The following P2RY12 variants were observed in gnomAD, a reference collection of about 807,000 sequenced individuals.
P2RY12 encodes purinergic receptor P2Y12, also known as P2Y purinoceptor 12.
P2RY12 carries 3 observed loss-of-function variants against 4.5 expected under a neutral mutation model. The ratio of observed to expected loss-of-function variants is 0.67; its 90% CI spans 0.31 to 1.74. The LOEUF (loss-of-function observed/expected upper bound fraction) is 1.74. P2RY12 is among the 40% of genes most tolerant of loss of function. The pLI, the probability that P2RY12 is intolerant of heterozygous loss-of-function variation, is 0.09. For synonymous variants in P2RY12, 148 were observed against 154.1 expected (o/e 0.96, Z 0.29); for missense variants, 356 against 407.8 (o/e 0.87, Z 1.09).
intron 1 of P2RY12, among the ~76,000 whole-genome samples, chr3:151,366,462 T>A (rs1228178122): frequency 6.6e-6 from 1 of 152,180 alleles, no homozygotes; most frequent in Non-Finnish European, 1.5e-5. Context: ...ATTCCGAGGA[T>A]GTCCGGTGTT....
chr3:151,375,095 A>G (rs1196516668), intron 1 of P2RY12, among the ~76,000 whole-genome samples: 2 of 152,220 alleles, frequency 1.3e-5, no homozygotes, highest in Admixed American at 6.5e-5. Flanking sequence ...TTGGTTCCCA[A>G]CTGTGAGTGC....
intron 1 of P2RY12, among the ~76,000 whole-genome samples, chr3:151,351,558 T>C (rs896316838): frequency 6.6e-5 from 10 of 152,214 alleles, no homozygotes; most frequent in South Asian, 6.2e-4. Context: ...TCTGTTGTTT[T>C]GGTGTTTTCT....
chr3:151,378,395 C>T (rs959602294), intron 1 of P2RY12, among the ~76,000 whole-genome samples: 1 of 152,172 alleles, frequency 6.6e-6, no homozygotes. Flanking sequence ...ATCCAAATCA[C>T]TGCTGAACTG....
chr3:151,350,600 C>T (rs2150021383), intron 1 of P2RY12, among the ~76,000 whole-genome samples: 1 of 152,122 alleles, frequency 6.6e-6, no homozygotes, highest in South Asian at 2.1e-4. Context: ...ATTTTCCAAG[C>T]TTGTGGTTAG....
intron 1 of P2RY12, chr3:151,355,188 C>A: frequency 6.2e-7 from 1 of 1,613,900 alleles, no homozygotes; most frequent in Non-Finnish European, 8.5e-7. Flanking sequence ...AGACTGTGTT[C>A]ACTAAACTCC....
At chr3:151,372,940 G>A (rs1358473998) in intron 1 of P2RY12, among the ~76,000 whole-genome samples, 4 of 152,120 alleles carry the variant, frequency 2.6e-5, no homozygotes, top group Non-Finnish European at 5.9e-5. Context: ...AAAAACTCAT[G>A]TCCATCCTTT....
chr3:151,346,466 G>A (rs967657943), intron 1 of P2RY12, among the ~76,000 whole-genome samples: 10 of 151,922 alleles, frequency 6.6e-5, no homozygotes, highest in Admixed American at 2.6e-4. Context: ...TACTTTAACC[G>A]CTTGTTTCTT....
intron 1 of P2RY12, among the ~76,000 whole-genome samples, chr3:151,345,991 T>G (rs1752488941): frequency 6.6e-6 from 1 of 152,196 alleles, no homozygotes; most frequent in African/African-American, 2.4e-5. Context: ...ACACCCCTTA[T>G]AGAGGTTGAG....
rs375102563 is a variant in P2RY12 at position 151,348,560 on chromosome 3, T to G, written c.-179-7800A>C. ...AATAAGAACAGCTTCTAAGAGAAAC[T>G]CGCTCCTAGCTTCTTTTTTTTTTTT... On this transcript the variant is annotated intron_variant, in intron 1 of 2. Transcript: ENST00000302632. Among the ~76,000 whole-genome samples the G allele has an allele frequency of 9.3e-5, 14 of 151,100 alleles. No individual in the cohort carries two copies. The East Asian group carries it at 2.1e-3, about 23-fold the overall frequency.
intron 1 of P2RY12, chr3:151,369,482 A>T (rs1343117485): frequency 6.2e-7 from 1 of 1,612,272 alleles, no homozygotes; most frequent in Non-Finnish European, 8.5e-7. Flanking sequence ...GACACCTCTT[A>T]GCCGCTGCTC....
At position 151,337,060 on chromosome 3, in the gene P2RY12, T is replaced by C. The variant is rs1175550704; in HGVS notation, c.*757A>G. The C allele has an allele frequency of 6.6e-6, 1 of 152,148 alleles. No individual in the cohort carries two copies. Among genetic ancestry groups the C allele is most frequent in the African/African-American group, 2.4e-5 (1 of 41,456 alleles). 9.4% of individuals were successfully genotyped at this position (152,148 alleles called of 1,614,324 possible). On this transcript the variant is annotated 3_prime_UTR_variant, in exon 3 of 3. Coordinates refer to ENST00000302632, the MANE Select transcript of P2RY12 (RefSeq NM_022788.5). ...AAGGTAAGTGTCAATGATGGTATTA[T>C]TGAAGTTGTAAAAAATTAGTAAAAC...
chr3:151,344,233 C>T (rs1752257169), intron 1 of P2RY12, among the ~76,000 whole-genome samples: 1 of 151,722 alleles, frequency 6.6e-6, no homozygotes, highest in African/African-American at 2.4e-5. Context: ...ATTTAATATA[C>T]AAATGTAGTT....
intron 1 of P2RY12, among the ~76,000 whole-genome samples, chr3:151,359,969 A>G (rs1024464033): frequency 2.0e-5 from 3 of 152,186 alleles, no homozygotes; most frequent in African/African-American, 7.2e-5. Context: ...ACTAGTTGGT[A>G]TACATAGGGG....
chr3:151,360,630 C>T (rs767711990), intron 1 of P2RY12: 1 of 1,598,670 alleles, frequency 6.3e-7, no homozygotes, highest in East Asian at 2.2e-5. Context: ...CTCAAAAGGA[C>T]AGAAATAGGA....
rs1385257782 is a variant in P2RY12 at position 151,337,728 on chromosome 3, C to T, written c.*89G>A. On this transcript the variant is annotated 3_prime_UTR_variant, in exon 3 of 3. Transcript: ENST00000302632. ...AGAGTCATTATTATTAACTTAGTTG[C>T]TTCTTCGTCAGTTAATATTTTTACT... The T allele has an allele frequency of 9.2e-6, 12 of 1,310,778 alleles. No homozygotes were observed. Among genetic ancestry groups the T allele is most frequent in the Non-Finnish European group, 1.3e-5 (12 of 927,806 alleles). 81.2% of individuals were successfully genotyped at this position (1,310,778 alleles called of 1,614,324 possible). A position where few individuals can be genotyped will look rare whatever the true frequency, so the allele number is the denominator to read the frequency against.
intron 1 of P2RY12, among the ~76,000 whole-genome samples, chr3:151,350,491 A>G (rs1040735847): frequency 1.6e-4 from 25 of 152,062 alleles, no homozygotes; most frequent in Non-Finnish European, 2.8e-4. Context: ...TTTTTGGTAT[A>G]CTTCTCAAAT....
chr3:151,351,281 A>G (rs2150025358), intron 1 of P2RY12, among the ~76,000 whole-genome samples: 1 of 152,266 alleles, frequency 6.6e-6, no homozygotes, highest in East Asian at 2.0e-4. Flanking sequence ...GAAACATGGT[A>G]CAAGAGGCAG....
At chr3:151,360,338 A>C (rs575365593) in intron 1 of P2RY12, 2 of 735,584 alleles carry the variant, frequency 2.7e-6, no homozygotes, top group Non-Finnish European at 4.5e-6. Context: ...GTTATTTACT[A>C]TTCTATTTAT....
chr3:151,373,678 C>T (rs1756463938), intron 1 of P2RY12, among the ~76,000 whole-genome samples: 1 of 151,954 alleles, frequency 6.6e-6, no homozygotes, highest in African/African-American at 2.4e-5. Context: ...TTATAATATA[C>T]TGTACTTAGT....
Sources: allele counts gnomAD v4.1 joint callset (sites outside exome capture counted in the v4.1 genomes callset), GRCh38; gene constraint gnomAD v4.1.1; transcripts MANE v1.5; gene names NCBI Gene and HGNC (gene_info 2026-07-23, HGNC 2026-07-21).